The following GALNT13 variants were observed in gnomAD, a reference collection of about 807,000 sequenced individuals.
GALNT13 encodes the protein polypeptide N-acetylgalactosaminyltransferase 13.
A neutral mutation model predicts 64.2 loss-of-function variants in GALNT13; 28 were observed. The ratio of observed to expected loss-of-function variants is 0.44; its 90% CI spans 0.32 to 0.60. GALNT13 has a LOEUF of 0.60. GALNT13 is among the 20% of genes least tolerant of loss of function. The pLI, the probability that GALNT13 is intolerant of heterozygous loss-of-function variation, is 0.05. For missense variants in GALNT13, 577 were observed against 669.8 expected, an observed-to-expected ratio of 0.86 and a Z score of 1.53; for synonymous variants, 214 against 224.6, an observed-to-expected ratio of 0.95 and a Z score of 0.42.
At chr2:153,702,794 T>C in the GALNT13 span, among the ~76,000 whole-genome samples, 1 of 152,004 alleles carries the variant, frequency 6.6e-6, no homozygotes, top group African/African-American at 2.4e-5. Flanking sequence ...AATATATGAG[T>C]CTGATATTAA....
At chr2:153,323,178 A>G in the GALNT13 span, among the ~76,000 whole-genome samples, 1 of 152,098 alleles carries the variant, frequency 6.6e-6, no homozygotes, top group African/African-American at 2.4e-5. Flanking sequence ...TGACTTCTTA[A>G]TGATTGCCAC....
At chr2:153,637,641 A>C in the GALNT13 span, among the ~76,000 whole-genome samples, 1 of 152,122 alleles carries the variant, frequency 6.6e-6, no homozygotes, top group Non-Finnish European at 1.5e-5. Flanking sequence ...TGAGTATTTT[A>C]TTCTATATGC....
At chr2:153,259,633 A>T in the GALNT13 span, among the ~76,000 whole-genome samples, 1 of 152,138 alleles carries the variant, frequency 6.6e-6, no homozygotes, top group Non-Finnish European at 1.5e-5. Context: ...GTTTTATAAA[A>T]TGCAGTTCCC....
intron 11 of GALNT13, among the ~76,000 whole-genome samples, chr2:154,414,165 A>G (rs1431479569): frequency 1.3e-5 from 2 of 152,062 alleles, no homozygotes; most frequent in Admixed American, 6.6e-5. Context: ...ATCAAAGGTT[A>G]TGCAAAATTA....
intron 12 of GALNT13, among the ~76,000 whole-genome samples, chr2:154,447,024 C>T (rs912997889): frequency 6.6e-6 from 1 of 150,818 alleles, no homozygotes; most frequent in Admixed American, 6.6e-5. Flanking sequence ...CATAAATATA[C>T]TTGATGAACG....
chr2:154,418,307 C>T (rs901614751), intron 11 of GALNT13, among the ~76,000 whole-genome samples: 1 of 152,002 alleles, frequency 6.6e-6, no homozygotes, highest in African/African-American at 2.4e-5. Flanking sequence ...CAAAAGATAC[C>T]CATGTTCTAA....
chr2:153,303,832 T>A, the GALNT13 span, among the ~76,000 whole-genome samples: 2 of 152,192 alleles, frequency 1.3e-5, no homozygotes, highest in Admixed American at 1.3e-4. Flanking sequence ...AGCCTCTTTC[T>A]AACACCCCTG....
chr2:153,680,136 T>C, the GALNT13 span, among the ~76,000 whole-genome samples: 1 of 151,812 alleles, frequency 6.6e-6, no homozygotes, highest in Non-Finnish European at 1.5e-5. Context: ...GTTGAATAAA[T>C]AGATAAATGA....
Position 153,944,555 on chromosome 2 carries a change from G to A in GALNT13, c.58G>A (p.Val20Ile). 1 of 1,613,730 alleles carries A rather than the reference G, an allele frequency of 6.2e-7. No individual in the cohort carries two copies. The highest frequency in any genetic ancestry group is 1.3e-5 in the African/African-American group (1 of 75,048). Reference protein sequence around the residue: ...VLATSLMWVLVDVFLLLYFSE... With the variant: ...VLATSLMWVLIDVFLLLYFSE... ...AGCCACTTCGCTGATGTGGGTTCTTGTTGATGTCTTCTTACTGCTGTACTT... is the reference window on the plus strand; with the variant it reads ...AGCCACTTCGCTGATGTGGGTTCTTATTGATGTCTTCTTACTGCTGTACTT... Residue 20 changes from valine (V) to isoleucine (I), a missense_variant, in exon 3 of 13, where the codon GTT becomes ATT. Val to Ile is a conservative substitution (Grantham distance 29). Around this residue, in one of 3 missense-constraint regions of GALNT13, gnomAD observed 341 missense variants for 379.3 expected, o/e 0.90. Coordinates refer to ENST00000392825, the MANE Select transcript of GALNT13 (RefSeq NM_052917.4).
At chr2:153,994,620 A>G (rs7575786) in intron 3 of GALNT13, among the ~76,000 whole-genome samples, 7,361 of 152,180 alleles carry the variant, frequency 0.048, 237 homozygotes, top group South Asian at 0.11. Flanking sequence ...TAACTGGTGT[A>G]AGATGGTATC....
At chr2:154,129,803 C>T (rs1199469610) in intron 3 of GALNT13, among the ~76,000 whole-genome samples, 1 of 151,924 alleles carries the variant, frequency 6.6e-6, no homozygotes, top group Non-Finnish European at 1.5e-5. Flanking sequence ...GAACATGGGG[C>T]CTGTTGCGAG....
chr2:154,072,975 C>T (rs1016569984), intron 3 of GALNT13, among the ~76,000 whole-genome samples: 2 of 151,902 alleles, frequency 1.3e-5, no homozygotes, highest in Non-Finnish European at 2.9e-5. Context: ...TGTGATGTAT[C>T]CCTTAAACCC....
intron 4 of GALNT13, among the ~76,000 whole-genome samples, chr2:154,225,153 AGATAGAT>A (rs765900734): frequency 5.2e-4 from 60 of 115,080 alleles, no homozygotes; most frequent in African/African-American, 2.0e-3. Flanking sequence ...GATGACAGAT[AGATAGAT>A]GATAGATAGA....
At chr2:153,115,205 GGGTCATCA>G in the GALNT13 span, among the ~76,000 whole-genome samples, 2 of 152,112 alleles carry the variant, frequency 1.3e-5, no homozygotes, top group Non-Finnish European at 2.9e-5. Context: ...GGATATTCCT[GGGTCATCA>G]CTCTTTTCAT....
chr2:154,397,615 A>G (rs1017657599), intron 10 of GALNT13, among the ~76,000 whole-genome samples: 5 of 152,158 alleles, frequency 3.3e-5, no homozygotes, highest in Admixed American at 2.0e-4. Flanking sequence ...TTATAAACAT[A>G]TCTTACTTAC....
the GALNT13 span, among the ~76,000 whole-genome samples, chr2:153,610,540 T>C: frequency 7.2e-5 from 11 of 152,234 alleles, no homozygotes; most frequent in East Asian, 1.9e-4. Context: ...CCAGGCTTCA[T>C]GGCGGGCACC....
At chr2:153,491,099 C>T in the GALNT13 span, among the ~76,000 whole-genome samples, 2 of 151,884 alleles carry the variant, frequency 1.3e-5, no homozygotes, top group African/African-American at 4.8e-5. Context: ...ATGGGACATA[C>T]TAATTTGATG....
At chr2:154,047,852 T>C (rs1329128261) in intron 3 of GALNT13, among the ~76,000 whole-genome samples, 2 of 152,064 alleles carry the variant, frequency 1.3e-5, no homozygotes, top group Admixed American at 1.3e-4. Context: ...ATCTGTGGAG[T>C]TTAACAGCGT....
intron 9 of GALNT13, among the ~76,000 whole-genome samples, chr2:154,361,763 C>T (rs1574160191): frequency 6.6e-6 from 1 of 152,028 alleles, no homozygotes; most frequent in Non-Finnish European, 1.5e-5. Flanking sequence ...AAAACTAGGC[C>T]TGTGTCATTC....
Sources: gnomAD v4.1 joint callset for allele counts (sites outside exome capture counted in the v4.1 genomes callset) on GRCh38, gnomAD v4.1.1 for gene constraint, gnomAD v4.1.1 regional missense constraint, MANE v1.5 for transcripts, NCBI Gene and HGNC (gene_info 2026-07-23, HGNC 2026-07-21) for gene names.